MARCHF1: variants seen among roughly 807,000 people sequenced by gnomAD.
MARCHF1 encodes membrane associated ring-CH-type finger 1, also known as E3 ubiquitin-protein ligase MARCHF1.
In MARCHF1, 40 loss-of-function variants were observed where a neutral mutation model predicts 54.2. The observed-to-expected ratio is 0.74, with a 90% CI of 0.57 to 0.96. The LOEUF is 0.96. Among genes scored for constraint, MARCHF1 ranks in the 40% least tolerant of loss-of-function variants. The pLI is 0.00. For synonymous variants in MARCHF1, 236 were observed against 236.3 expected, an observed-to-expected ratio of 1.00 and a Z score of 0.01; for missense variants, 586 against 656.5, an observed-to-expected ratio of 0.89 and a Z score of 1.17.
At chr4:164,335,626 T>G (rs1182250534) in intron 1 of MARCHF1, among the ~76,000 whole-genome samples, 1 of 150,696 alleles carries the variant, frequency 6.6e-6, no homozygotes, top group Non-Finnish European at 1.5e-5. Flanking sequence ...CACTCCAACT[T>G]TCAGCAACCA....
chr4:164,058,042 T>G (rs183684713), intron 2 of MARCHF1, among the ~76,000 whole-genome samples: 1 of 152,222 alleles, frequency 6.6e-6, no homozygotes, highest in Non-Finnish European at 1.5e-5. Context: ...GAACACCACA[T>G]GTTCTCACTC....
intron 2 of MARCHF1, among the ~76,000 whole-genome samples, chr4:164,015,233 G>T (rs1464925433): frequency 2.6e-5 from 4 of 152,108 alleles, no homozygotes; most frequent in Non-Finnish European, 5.9e-5. Flanking sequence ...AATAGTGCTA[G>T]AAAAACTGGA....
intron 2 of MARCHF1, among the ~76,000 whole-genome samples, chr4:164,072,213 T>C (rs569564737): frequency 1.3e-5 from 2 of 152,338 alleles, no homozygotes; most frequent in South Asian, 2.1e-4. Flanking sequence ...TGTTTCCTTA[T>C]AACAAATATA....
At chr4:163,802,233 C>T (rs1275505592) in intron 4 of MARCHF1, among the ~76,000 whole-genome samples, 6 of 152,016 alleles carry the variant, frequency 3.9e-5, no homozygotes, top group Admixed American at 6.6e-5. Flanking sequence ...AGAGTCTATC[C>T]GGTATCAAAG....
chr4:163,847,871 G>A (rs1560785968), intron 4 of MARCHF1, among the ~76,000 whole-genome samples: 1 of 152,136 alleles, frequency 6.6e-6, no homozygotes. Flanking sequence ...ATGAGCCACT[G>A]CACCCGGCTG....
intron 4 of MARCHF1, among the ~76,000 whole-genome samples, chr4:163,737,939 G>A (rs1746093199): frequency 1.3e-5 from 1 of 76,402 alleles, no homozygotes; most frequent in Admixed American, 1.3e-4. Flanking sequence ...AAATCATGCT[G>A]CTCTAAAGAC....
chr4:163,624,662 C>T (rs2110969915), intron 5 of MARCHF1, among the ~76,000 whole-genome samples: 1 of 152,320 alleles, frequency 6.6e-6, no homozygotes, highest in South Asian at 2.1e-4. Flanking sequence ...GTTGCCATCA[C>T]ACCTAATGGC....
chr4:164,197,677 C>G (rs1435409169), intron 1 of MARCHF1: 1 of 1,612,364 alleles, frequency 6.2e-7, no homozygotes, highest in Non-Finnish European at 8.5e-7. Context: ...CGCCCTGTTC[C>G]GCAGCTCTGA....
At chr4:164,225,922 A>G (rs541909791) in intron 1 of MARCHF1, among the ~76,000 whole-genome samples, 38 of 152,212 alleles carry the variant, frequency 2.5e-4, no homozygotes, top group African/African-American at 8.9e-4. Flanking sequence ...TTCTTAACCT[A>G]TGCAAATTTC....
chr4:163,580,381 T>C (rs1740189874), intron 8 of MARCHF1, among the ~76,000 whole-genome samples: 2 of 152,198 alleles, frequency 1.3e-5, no homozygotes, highest in African/African-American at 4.8e-5. Context: ...CCTGGCCCTG[T>C]AGACACATTT....
At position 164,016,666 on chromosome 4, in the gene MARCHF1, T is replaced by A. The variant is rs535306322; in HGVS notation, c.-247-27957A>T. On this transcript the variant is annotated intron_variant, in intron 2 of 9. Transcript: ENST00000514618. The stretch of plus-strand genomic sequence containing the variant: ...TAACTAGAGGCTGGGAAGGATGCTG[T>A]GGAGGGGAGAATAAAGACAGGATGG... Among the ~76,000 whole-genome samples, 479 of 152,110 alleles carry A rather than the reference T, an allele frequency of 3.1e-3. 4 individuals carry two copies. The highest frequency in any genetic ancestry group is 0.011 in the African/African-American group (462 of 41,520).
At chr4:164,338,433 T>C (rs1729821389) in intron 1 of MARCHF1, among the ~76,000 whole-genome samples, 1 of 152,290 alleles carries the variant, frequency 6.6e-6, no homozygotes, top group South Asian at 2.1e-4. Context: ...TGCCCATCAA[T>C]GATTACCACG....
At chr4:163,761,601 T>C (rs1018010370) in intron 4 of MARCHF1, among the ~76,000 whole-genome samples, 4 of 152,224 alleles carry the variant, frequency 2.6e-5, no homozygotes, top group African/African-American at 9.6e-5. Flanking sequence ...AATGATAGCA[T>C]AGTTGCTGCT....
chr4:164,232,745 C>A (rs1363304057), intron 1 of MARCHF1, among the ~76,000 whole-genome samples: 1 of 151,970 alleles, frequency 6.6e-6, no homozygotes, highest in Non-Finnish European at 1.5e-5. Context: ...ATAAATTATT[C>A]TTTGCTTGGC....
At chr4:164,211,180 CA>C (rs1731759299) in intron 1 of MARCHF1, among the ~76,000 whole-genome samples, 1 of 151,420 alleles carries the variant, frequency 6.6e-6, no homozygotes, top group Non-Finnish European at 1.5e-5. Flanking sequence ...CTGTGTATTT[CA>C]AAAATTGCTA....
intron 2 of MARCHF1, among the ~76,000 whole-genome samples, chr4:164,080,952 T>C (rs2111112309): frequency 6.6e-6 from 1 of 151,574 alleles, no homozygotes; most frequent in African/African-American, 2.4e-5. Flanking sequence ...CTCACGCCTG[T>C]AATCCCAGCA....
rs913904187 is a variant in MARCHF1, at chr4:164,010,089, C to T, written c.-247-21380G>A. ...TTTTTTTTTTTTTTTTTTTTTTAGG[C>T]GGAGTCTCATTCTGCCATGCAGGCT... On this transcript the variant is annotated intron_variant, in intron 2 of 9. Coordinates refer to ENST00000514618, the MANE Select transcript of MARCHF1 (RefSeq NM_001394959.1). Among the ~76,000 whole-genome samples, 84 of 108,442 alleles carry T rather than the reference C, an allele frequency of 7.7e-4. 1 individual carries two copies. Among genetic ancestry groups the T allele is most frequent in the African/African-American group, 2.8e-3 (77 of 27,210 alleles). The allele number at this position is 108,442 out of a possible 152,430, so 71.1% of individuals were successfully genotyped here. A position where few individuals can be genotyped will look rare whatever the true frequency, so the allele number is the denominator to read the frequency against.
At chr4:163,818,934 T>C (rs1748617860) in intron 4 of MARCHF1, among the ~76,000 whole-genome samples, 2 of 152,124 alleles carry the variant, frequency 1.3e-5, no homozygotes. Context: ...TCCTGCTCCC[T>C]TGTCTTTCAC....
chr4:164,055,444 A>C (rs1754469117), intron 2 of MARCHF1, among the ~76,000 whole-genome samples: 1 of 12,550 alleles, frequency 8.0e-5, no homozygotes, highest in African/African-American at 2.0e-4. Flanking sequence ...ACCCTGTCTC[A>C]AAAAAAAAAA....
Sources: gnomAD v4.1 joint callset for allele counts (sites outside exome capture counted in the v4.1 genomes callset) on GRCh38, gnomAD v4.1.1 for gene constraint, MANE v1.5 for transcripts, NCBI Gene and HGNC (gene_info 2026-07-23, HGNC 2026-07-21) for gene names.